The following ZNF317 variants were observed in gnomAD, a reference collection of about 807,000 sequenced individuals.
ZNF317 encodes the protein KRAB-containing zinc finger protein 317.
ZNF317 carries 17 observed loss-of-function variants against 23.4 expected under a neutral mutation model. The observed-to-expected ratio is 0.73, with a 90% CI of 0.50 to 1.09. The LOEUF is 1.09. ZNF317 is among the 50% of genes least tolerant of loss of function. The probability of loss-of-function intolerance (pLI) is 0.00; values close to 1 mark genes in which losing one functional copy is unlikely to be tolerated. For synonymous variants in ZNF317, 317 were observed against 314.9 expected (o/e 1.01, Z -0.07); for missense variants, 679 against 796.7 (o/e 0.85, Z 1.78).
chr19:9,157,206 A>G, intron 3 of ZNF317, 62 bp from the exon 4 acceptor site: 1 of 1,591,658 alleles, frequency 6.3e-7, no homozygotes, highest in East Asian at 2.2e-5. Context: ...AACCTCAGCC[A>G]TCTTACCATG....
At chr19:9,149,547 G>A (rs936435167) in intron 1 of ZNF317, among the ~76,000 whole-genome samples, 2 of 151,986 alleles carry the variant, frequency 1.3e-5, no homozygotes, top group African/African-American at 2.4e-5. Flanking sequence ...AAGGATGAGA[G>A]GGGGCCAGGC....
Position 9,161,448 on chromosome 19 carries a change from G to GAGAC in ZNF317, c.*17_*20dup. Reference sequence around the variant, plus strand: ...GGCTCCAGTGAGCGCGCCTGCTTTAGAGACACAGGATGATTCAGACCGGAA... The same window carrying GAGAC: ...GGCTCCAGTGAGCGCGCCTGCTTTAGAGACAGACACAGGATGATTCAGACCGGAA... On this transcript the variant is annotated 3_prime_UTR_variant, in exon 7 of 7. Transcript: ENST00000247956. This position sits in a 1 kb window ranked among gnomAD's most constrained non-coding sequence, Gnocchi z 4.0. 6.3e-7 allele frequency: 1 copy of GAGAC among 1,598,594 alleles called. No homozygotes were observed. The highest frequency in any genetic ancestry group is 8.5e-7 in the Non-Finnish European group (1 of 1,170,446).
intron 1 of ZNF317, 143 bp downstream of exon 1, chr19:9,140,735 A>G: frequency 2.8e-6 from 1 of 358,794 alleles, no homozygotes; most frequent in Non-Finnish European, 5.5e-6. Context: ...AGATCTCGCG[A>G]TCAGCGATAT....
chr19:9,143,146 C>A (rs1287260988), intron 1 of ZNF317, among the ~76,000 whole-genome samples: 1 of 152,120 alleles, frequency 6.6e-6, no homozygotes, highest in Non-Finnish European at 1.5e-5. Flanking sequence ...TTTATTCCAT[C>A]TGAGGTTTAA....
chr19:9,156,186 C>G, intron 2 of ZNF317, 145 bp downstream of exon 2: 1 of 1,008,568 alleles, frequency 9.9e-7, no homozygotes, highest in South Asian at 1.4e-5. Context: ...GCCCCAGCAG[C>G]CACCCCAGTG....
Position 9,158,193 on chromosome 19 carries a change from T to C in ZNF317, c.385+118T>C, listed in dbSNP as rs2050807079. 2.3e-6 allele frequency: 3 copies of C among 1,294,962 alleles called. No homozygotes were observed. The Admixed American group carries it at 9.3e-5, about 40-fold the overall frequency. 80.2% of individuals were successfully genotyped at this position (1,294,962 alleles called of 1,614,324 possible). A position where few individuals can be genotyped will look rare whatever the true frequency, so the allele number is the denominator to read the frequency against. ...GAAATTGAGAGATGCTCCTTCCCTC[T>C]TTTTGCCCATCCATTCTCTGACAAA... On this transcript the variant is annotated intron_variant, in intron 5 of 6. Transcript: ENST00000247956.
chr19:9,150,578 A>G (rs531240181), intron 1 of ZNF317, among the ~76,000 whole-genome samples: 147 of 152,266 alleles, frequency 9.7e-4, no homozygotes, highest in Middle Eastern at 3.4e-3. Flanking sequence ...AGAGGGGCCC[A>G]GGGGAACCCT....
intron 1 of ZNF317, among the ~76,000 whole-genome samples, chr19:9,150,507 G>C (rs765616115): frequency 1.4e-4 from 21 of 152,136 alleles, no homozygotes; most frequent in Non-Finnish European, 2.6e-4. Flanking sequence ...ATCAGAACCT[G>C]GGTGTCAGCA....
intron 1 of ZNF317, among the ~76,000 whole-genome samples, chr19:9,146,702 T>A (rs1411326377): frequency 6.6e-6 from 1 of 152,066 alleles, no homozygotes; most frequent in African/African-American, 2.4e-5. Flanking sequence ...AGTGCTGAGA[T>A]TACAGGCATG....
intron 5 of ZNF317, 134 bp downstream of exon 5, chr19:9,158,209 C>T (rs763030521): frequency 8.3e-7 from 1 of 1,198,932 alleles, no homozygotes; most frequent in Non-Finnish European, 1.1e-6. Context: ...CCCATCCATT[C>T]TCTGACAAAT....
At chr19:9,152,282 T>G (rs1018362396) in intron 1 of ZNF317, among the ~76,000 whole-genome samples, 2 of 152,152 alleles carry the variant, frequency 1.3e-5, no homozygotes, top group Non-Finnish European at 2.9e-5. Flanking sequence ...TTTCTTTTTC[T>G]TCTAGAGCCT....
chr19:9,156,990 G>A, intron 3 of ZNF317: 3 of 643,318 alleles, frequency 4.7e-6, no homozygotes, highest in Non-Finnish European at 5.2e-6. Flanking sequence ...CCAGAGACGG[G>A]GGGAAATAAA....
chr19:9,157,595 T>A, intron 4 of ZNF317: 1 of 676,834 alleles, frequency 1.5e-6, no homozygotes, highest in Non-Finnish European at 2.3e-6. Context: ...GGTGTGTGTC[T>A]GAGCTTGGCA....
Position 9,157,018 on chromosome 19 carries a change from T to G in ZNF317, c.163-250T>G, listed in dbSNP as rs1378714238. 6 of 631,216 alleles carry G rather than the reference T, an allele frequency of 9.5e-6. No homozygotes were observed. In the Admixed American group the frequency reaches 1.8e-4, roughly 19 times the overall value. The allele number at this position is 631,216 out of a possible 1,614,324, so 39.1% of individuals were successfully genotyped here. On this transcript the variant is annotated intron_variant, in intron 3 of 6. Coordinates refer to ENST00000247956, the MANE Select transcript of ZNF317 (RefSeq NM_020933.5). ...GAAATAAAGGGCAAAGCTCTCGGAG[T>G]GGGCTAGAACTGGAGGGAGATTAGT...
chr19:9,145,201 C>T (rs1260140658), intron 1 of ZNF317, among the ~76,000 whole-genome samples: 1 of 152,194 alleles, frequency 6.6e-6, no homozygotes. Context: ...TGGGCCATGA[C>T]ACCCAGCTAA....
intron 1 of ZNF317, among the ~76,000 whole-genome samples, chr19:9,152,907 T>TTACAGCCC (rs1318520564): frequency 1.3e-5 from 2 of 152,216 alleles, no homozygotes; most frequent in Non-Finnish European, 2.9e-5. Context: ...TGGCATTCTC[T>TTACAGCCC]TACAGCCCTT....
chr19:9,158,371 T>G lies in ZNF317; in HGVS notation c.385+296T>G, dbSNP rs973761300. 4.0e-5 allele frequency among the ~76,000 whole-genome samples: 4 copies of G among 99,752 alleles called. No homozygotes were observed. The East Asian group carries it at 1.1e-3, about 27-fold the overall frequency. 65.4% of individuals were successfully genotyped at this position (99,752 alleles called of 152,430 possible). On this transcript the variant is annotated intron_variant, in intron 5 of 6. Coordinates refer to ENST00000247956, the MANE Select transcript of ZNF317 (RefSeq NM_020933.5). ...CCTTAAATTTCTTTTTTCTTTTTTT[T>G]TTTTTTTTTTTTTTTTTTTTGACGG...
chr19:9,141,432 C>T (rs182829076), intron 1 of ZNF317, among the ~76,000 whole-genome samples: 20 of 152,116 alleles, frequency 1.3e-4, no homozygotes, highest in African/African-American at 4.6e-4. Flanking sequence ...GATTTGACTG[C>T]GTATACATCT....
In ZNF317 at chr19:9,148,813, T is replaced by A. The variant is rs148152355; in HGVS notation, c.-92-7112T>A. Among the ~76,000 whole-genome samples the A allele has an allele frequency of 2.6e-5, 4 of 152,294 alleles. No homozygotes were observed. The East Asian group carries it at 7.7e-4, about 29-fold the overall frequency. The stretch of plus-strand genomic sequence containing the variant: ...CAGAGAGATAATAATGCTTACCCGG[T>A]GTTCTGTGTCCTGTCCTACATTTCC... On this transcript the variant is annotated intron_variant, in intron 1 of 6. Coordinates refer to ENST00000247956, the MANE Select transcript of ZNF317 (RefSeq NM_020933.5).
Sources: allele counts gnomAD v4.1 joint callset (sites outside exome capture counted in the v4.1 genomes callset), GRCh38; gene constraint gnomAD v4.1.1; non-coding constraint Gnocchi (gnomAD v3.1); transcripts MANE v1.5; gene names NCBI Gene and HGNC (gene_info 2026-07-23, HGNC 2026-07-21).